The following DIAPH3 variants were observed in gnomAD, a reference collection of about 807,000 sequenced individuals.
The protein encoded by DIAPH3 is protein diaphanous homolog 3.
Under a neutral mutation model 144.3 loss-of-function variants are expected in DIAPH3, and 117 were observed. The observed-to-expected ratio is 0.81, with a 90% CI of 0.70 to 0.95. The LOEUF is 0.95. Ranked by LOEUF, DIAPH3 falls within the 40% of genes least tolerant of loss-of-function variation. The pLI, the probability that DIAPH3 is intolerant of heterozygous loss-of-function variation, is 0.00. For missense variants in DIAPH3, 1,421 were observed against 1,412.7 expected (o/e 1.01, Z -0.09); for synonymous variants, 519 against 488.9 (o/e 1.06, Z -0.81).
At chr13:60,113,152 G>A (rs1396020576) in intron 2 of DIAPH3, among the ~76,000 whole-genome samples, 1 of 152,134 alleles carries the variant, frequency 6.6e-6, no homozygotes, top group Non-Finnish European at 1.5e-5. Flanking sequence ...CACTAGCTAT[G>A]TATGATTATT....
intron 25 of DIAPH3, among the ~76,000 whole-genome samples, chr13:59,785,117 T>C (rs2038965474): frequency 6.6e-6 from 1 of 152,174 alleles, no homozygotes; most frequent in African/African-American, 2.4e-5. Flanking sequence ...AGAAAGCCGA[T>C]TTTCATTGGG....
chr13:60,087,082 T>G (rs920420156), intron 4 of DIAPH3, among the ~76,000 whole-genome samples: 1 of 152,226 alleles, frequency 6.6e-6, no homozygotes, highest in Non-Finnish European at 1.5e-5. Context: ...GTAAATGCTA[T>G]GTAAATAGTC....
chr13:59,666,421 T>C lies in DIAPH3; in HGVS notation c.*163A>G, dbSNP rs974742706. On this transcript the variant is annotated 3_prime_UTR_variant, in exon 28 of 28. Coordinates refer to ENST00000400324, the MANE Select transcript of DIAPH3 (RefSeq NM_001042517.2). The stretch of plus-strand genomic sequence containing the variant: ...TGAATAAACCAAAACCTCCAGTACA[T>C]AGAAAAAGCATTGCAATCATATATT... The C allele has an allele frequency of 3.1e-5, 25 of 815,290 alleles. No individual in the cohort carries two copies. Among genetic ancestry groups the C allele is most frequent in the Non-Finnish European group, 4.0e-5 (22 of 548,378 alleles). 50.5% of individuals were successfully genotyped at this position (815,290 alleles called of 1,614,324 possible). A position where few individuals can be genotyped will look rare whatever the true frequency, so the allele number is the denominator to read the frequency against.
intron 1 of DIAPH3, among the ~76,000 whole-genome samples, chr13:60,158,045 C>T (rs1378455555): frequency 1.3e-5 from 2 of 152,200 alleles, no homozygotes; most frequent in Non-Finnish European, 2.9e-5. Flanking sequence ...CTAGTTTTAA[C>T]CACCCCACAT....
intron 25 of DIAPH3, among the ~76,000 whole-genome samples, chr13:59,792,469 T>C (rs2039377838): frequency 6.6e-6 from 1 of 152,202 alleles, no homozygotes; most frequent in Non-Finnish European, 1.5e-5. Flanking sequence ...AATGTTAATA[T>C]CTAATCCAAC....
chr13:60,158,903 T>G (rs920611841), intron 1 of DIAPH3, among the ~76,000 whole-genome samples: 4 of 70,774 alleles, frequency 5.7e-5, no homozygotes. Context: ...GCCTGGCCCC[T>G]CTTAAAAAAA....
chr13:60,158,380 C>T (rs1445879459), intron 1 of DIAPH3, among the ~76,000 whole-genome samples: 3 of 152,136 alleles, frequency 2.0e-5, no homozygotes, highest in Admixed American at 6.5e-5. Context: ...TGTTCTGGGG[C>T]CTGCATGCCT....
At chr13:60,109,385 G>A (rs759755740) in intron 3 of DIAPH3, among the ~76,000 whole-genome samples, 1 of 152,116 alleles carries the variant, frequency 6.6e-6, no homozygotes, top group Non-Finnish European at 1.5e-5. Context: ...GAAACCAATA[G>A]ATACCTTAGG....
chr13:60,006,550 T>A (rs1399114532), intron 9 of DIAPH3, among the ~76,000 whole-genome samples: 2 of 152,024 alleles, frequency 1.3e-5, no homozygotes, highest in African/African-American at 4.8e-5. Flanking sequence ...TGGGACCAGA[T>A]GACAAAGAAA....
intron 21 of DIAPH3, among the ~76,000 whole-genome samples, chr13:59,866,897 G>A (rs1247105899): frequency 6.6e-6 from 1 of 151,692 alleles, no homozygotes; most frequent in Non-Finnish European, 1.5e-5. Context: ...CAGACAGAAA[G>A]CTCAAAAAGT....
chr13:59,715,244 AC>A lies in DIAPH3; in HGVS notation c.3320-48399del, dbSNP rs566685391. On this transcript the variant is annotated intron_variant, in intron 27 of 27. Coordinates refer to ENST00000400324, the MANE Select transcript of DIAPH3 (RefSeq NM_001042517.2). The stretch of plus-strand genomic sequence containing the variant: ...ATAATTCAGAATTCACCTCAAGAAG[AC>A]AGCACAAATTATCTGCTTTGCAAAG... Among the ~76,000 whole-genome samples, 327 of 152,338 alleles carry A rather than the reference AC, an allele frequency of 2.1e-3. 2 individuals are homozygous for A. Among genetic ancestry groups the A allele is most frequent in the African/African-American group, 7.4e-3 (308 of 41,582 alleles).
intron 1 of DIAPH3, among the ~76,000 whole-genome samples, chr13:60,157,453 T>TA (rs1952086400): frequency 6.6e-6 from 1 of 152,366 alleles, no homozygotes; most frequent in East Asian, 1.9e-4. Context: ...GGTCTTTTTA[T>TA]AGTTTCTGTT....
chr13:60,133,697 G>A (rs1231396618), intron 1 of DIAPH3, among the ~76,000 whole-genome samples: 1 of 151,806 alleles, frequency 6.6e-6, no homozygotes, highest in Non-Finnish European at 1.5e-5. Context: ...CAATTCAAAA[G>A]AAAAAAATAA....
chr13:60,092,646 G>A (rs552256152), intron 4 of DIAPH3, among the ~76,000 whole-genome samples: 3 of 151,562 alleles, frequency 2.0e-5, no homozygotes, highest in Admixed American at 6.5e-5. Flanking sequence ...GTGAGACTCC[G>A]TCTCAAAAGA....
intron 5 of DIAPH3, among the ~76,000 whole-genome samples, chr13:60,017,367 G>A (rs923630335): frequency 4.0e-5 from 6 of 149,230 alleles, no homozygotes; most frequent in South Asian, 2.1e-4. Flanking sequence ...TCGCGCCATC[G>A]TACTCCAGCC....
intron 27 of DIAPH3, among the ~76,000 whole-genome samples, chr13:59,735,211 G>C (rs759382300): frequency 6.6e-6 from 1 of 152,000 alleles, no homozygotes; most frequent in African/African-American, 2.4e-5. Context: ...ATTGCATATA[G>C]AAGACTGGTT....
At chr13:60,120,245 A>T (rs1300929733) in intron 2 of DIAPH3, among the ~76,000 whole-genome samples, 5 of 152,232 alleles carry the variant, frequency 3.3e-5, no homozygotes, top group African/African-American at 1.2e-4. Context: ...AGCACTAGTG[A>T]CATCACTGGT....
rs145611505 is a variant in DIAPH3 at position 59,689,438 on chromosome 13, A to C, written c.3320-22592T>G. 2.0e-5 allele frequency among the ~76,000 whole-genome samples: 3 copies of C among 152,180 alleles called. No homozygotes were observed. In the East Asian group the frequency reaches 5.8e-4, roughly 29 times the overall value. ...TTGCACTAAAATAAAAAACAAACAG[A>C]GTCGTCATCAGCAAACAGATGGCTC... On this transcript the variant is annotated intron_variant, in intron 27 of 27. Coordinates refer to ENST00000400324, the MANE Select transcript of DIAPH3 (RefSeq NM_001042517.2).
intron 24 of DIAPH3, among the ~76,000 whole-genome samples, chr13:59,831,117 A>G (rs2041753097): frequency 6.6e-6 from 1 of 151,888 alleles, no homozygotes; most frequent in South Asian, 2.1e-4. Context: ...CTGCCATAGA[A>G]GAACTGTGTG....
Sources: gnomAD v4.1 joint callset for allele counts (sites outside exome capture counted in the v4.1 genomes callset) on GRCh38, gnomAD v4.1.1 for gene constraint, MANE v1.5 for transcripts, NCBI Gene and HGNC (gene_info 2026-07-23, HGNC 2026-07-21) for gene names.